Variants in PREX2 observed in about 807,000 individuals in gnomAD.
The protein encoded by PREX2 is phosphatidylinositol 3,4,5-trisphosphate-dependent Rac exchanger 2 protein.
PREX2 carries 107 observed loss-of-function variants against 203.2 expected under a neutral mutation model. The observed-to-expected ratio is 0.53, with a 90% confidence interval of 0.45 to 0.62. PREX2 has a LOEUF of 0.62. Ranked by LOEUF, PREX2 falls within the 20% of genes least tolerant of loss-of-function variation. The pLI is 0.00. For synonymous variants in PREX2, 672 were observed against 663.6 expected (o/e 1.01, Z -0.19); for missense variants, 1,777 against 1,955.9 (o/e 0.91, Z 1.72).
chr8:68,030,389 G>T, intron 5 of PREX2, 108 bp from the exon 6 acceptor site: 1 of 947,288 alleles, frequency 1.1e-6, no homozygotes. Flanking sequence ...TGTCACTTAT[G>T]GAAGTGGCTC....
intron 35 of PREX2, among the ~76,000 whole-genome samples, chr8:68,162,655 G>T (rs559290104): frequency 6.6e-6 from 1 of 152,140 alleles, no homozygotes; most frequent in Non-Finnish European, 1.5e-5. Context: ...GCTCAGAACA[G>T]AGGAGAGAGC....
intron 5 of PREX2, among the ~76,000 whole-genome samples, chr8:68,027,695 G>A (rs1480775026): frequency 1.3e-5 from 2 of 151,948 alleles, no homozygotes; most frequent in African/African-American, 4.8e-5. Flanking sequence ...CTTAAACTTT[G>A]ATGACTTTGT....
intron 35 of PREX2, among the ~76,000 whole-genome samples, chr8:68,165,041 C>T (rs1488497774): frequency 6.8e-6 from 1 of 146,610 alleles, no homozygotes; most frequent in East Asian, 2.0e-4. Flanking sequence ...CCACAGAGTA[C>T]AAGGCTTTCT....
chr8:67,960,278 G>C (rs964647889), intron 1 of PREX2, among the ~76,000 whole-genome samples: 1 of 152,122 alleles, frequency 6.6e-6, no homozygotes, highest in African/African-American at 2.4e-5. Context: ...CTGAGCTACG[G>C]AAGTTCCCCC....
intron 34 of PREX2, among the ~76,000 whole-genome samples, chr8:68,150,209 T>G (rs1470281744): frequency 6.6e-6 from 1 of 152,200 alleles, no homozygotes; most frequent in Non-Finnish European, 1.5e-5. Flanking sequence ...CATGTCTTTG[T>G]GTAGGGACTG....
chr8:68,069,237 G>T (rs556583443), intron 12 of PREX2, 101 bp downstream of exon 12: 17 of 646,904 alleles, frequency 2.6e-5, no homozygotes, highest in Admixed American at 1.8e-4. Flanking sequence ...TTCTAGTTTA[G>T]AAAATTCTTC....
At chr8:67,991,625 A>G (rs911983251) in intron 1 of PREX2, among the ~76,000 whole-genome samples, 4 of 152,186 alleles carry the variant, frequency 2.6e-5, no homozygotes, top group Non-Finnish European at 1.5e-5. Context: ...AACCACCCCC[A>G]TGATTCAATT....
chr8:68,052,552 G>A (rs1329467737), intron 8 of PREX2, among the ~76,000 whole-genome samples: 1 of 152,152 alleles, frequency 6.6e-6, no homozygotes, highest in Non-Finnish European at 1.5e-5. Flanking sequence ...AATCTACGAT[G>A]ATAATGCTTT....
intron 37 of PREX2, among the ~76,000 whole-genome samples, chr8:68,216,074 A>T (rs981824804): frequency 6.6e-6 from 1 of 152,280 alleles, no homozygotes; most frequent in Non-Finnish European, 1.5e-5. Flanking sequence ...TTTAACAGCC[A>T]GTGGAACTTA....
intron 34 of PREX2, among the ~76,000 whole-genome samples, chr8:68,148,871 C>A (rs12056532): frequency 0.29 from 43,486 of 152,038 alleles, 6,570 homozygotes; most frequent in East Asian, 0.5. Context: ...CTTTATAAAA[C>A]TCCCATGAGG....
In PREX2 at chr8:68,191,436, C is replaced by T. The variant is rs141344657; in HGVS notation, c.4347-286C>T. ...CATTAACTCATTTAATCTTGGCAGT[C>T]TTATGAAGTAGAAGCTAATGCTTTC... On this transcript the variant is annotated intron_variant, in intron 35 of 39. Coordinates refer to ENST00000288368, the MANE Select transcript of PREX2 (RefSeq NM_024870.4). Among the ~76,000 whole-genome samples, 7 of 152,272 alleles carry T rather than the reference C, an allele frequency of 4.6e-5. No individual in the cohort carries two copies. The East Asian group carries it at 1.4e-3, about 29-fold the overall frequency.
At chr8:68,025,238 T>G (rs1395272604) in intron 4 of PREX2, among the ~76,000 whole-genome samples, 3 of 151,978 alleles carry the variant, frequency 2.0e-5, no homozygotes, top group Non-Finnish European at 4.4e-5. Context: ...TTATTTTGCC[T>G]TCATTTTTGA....
chr8:68,037,045 T>A (rs943395413), intron 6 of PREX2, among the ~76,000 whole-genome samples: 2 of 152,202 alleles, frequency 1.3e-5, no homozygotes, highest in Non-Finnish European at 2.9e-5. Context: ...TTTTGGAAGT[T>A]TGAGTTGTCG....
At chr8:68,056,530 TC>T (rs1022497905) in intron 10 of PREX2, among the ~76,000 whole-genome samples, 2 of 152,140 alleles carry the variant, frequency 1.3e-5, no homozygotes, top group African/African-American at 2.4e-5. Context: ...GTTGTTTGGT[TC>T]CTTTGGACAA....
At chr8:68,161,763 T>C (rs1563570585) in intron 35 of PREX2, among the ~76,000 whole-genome samples, 1 of 152,190 alleles carries the variant, frequency 6.6e-6, no homozygotes. Context: ...ATGTTCTGTA[T>C]ATAGACATGT....
chr8:68,129,984 A>G (rs1810970245), intron 31 of PREX2, among the ~76,000 whole-genome samples: 1 of 151,852 alleles, frequency 6.6e-6, no homozygotes, highest in Admixed American at 6.6e-5. Flanking sequence ...TTCATAAAAA[A>G]TAGGAAATGA....
chr8:68,003,864 T>TG (rs1807016121), intron 1 of PREX2, among the ~76,000 whole-genome samples: 1 of 85,702 alleles, frequency 1.2e-5, no homozygotes, highest in African/African-American at 4.1e-5. Context: ...TTTTTTTTTT[T>TG]TTTGAGACAG....
At chr8:68,228,943 T>TC (rs200976299) in intron 39 of PREX2, among the ~76,000 whole-genome samples, 2 of 113,860 alleles carry the variant, frequency 1.8e-5, no homozygotes, top group Admixed American at 2.0e-4. Context: ...CCTTGTCTCT[T>TC]TAAAAAAAAA....
chr8:68,036,214 C>T (rs899331144), intron 6 of PREX2, among the ~76,000 whole-genome samples: 1 of 152,038 alleles, frequency 6.6e-6, no homozygotes, highest in African/African-American at 2.4e-5. Flanking sequence ...AAAGACCTAG[C>T]GGTTTGATTG....
Sources: gnomAD v4.1 joint callset for allele counts (sites outside exome capture counted in the v4.1 genomes callset) on GRCh38, gnomAD v4.1.1 for gene constraint, MANE v1.5 for transcripts, NCBI Gene and HGNC (gene_info 2026-07-23, HGNC 2026-07-21) for gene names.